AGO3: variants seen among roughly 807,000 people sequenced by gnomAD.
AGO3 encodes argonaute RISC catalytic component 3.
AGO3 carries 16 observed loss-of-function variants against 105.5 expected under a neutral mutation model. The observed-to-expected ratio is 0.15, with a 90% CI of 0.10 to 0.23. The LOEUF is 0.23. Ranked by LOEUF, AGO3 falls within the 10% of genes least tolerant of loss-of-function variation. The pLI is 1.00. For synonymous variants in AGO3, 340 were observed against 367.3 expected (o/e 0.93, Z 0.85); for missense variants, 534 against 1,088.0 (o/e 0.49, Z 7.16).
At chr1:36,011,218 C>T (rs1439220773) in intron 9 of AGO3, among the ~76,000 whole-genome samples, 2 of 152,138 alleles carry the variant, frequency 1.3e-5, no homozygotes, top group Non-Finnish European at 2.9e-5. Flanking sequence ...CTTAATAATA[C>T]TTCCAAAAGC....
intron 3 of AGO3, among the ~76,000 whole-genome samples, chr1:35,971,202 C>G (rs1036244259): frequency 7.0e-6 from 1 of 142,526 alleles, no homozygotes; most frequent in African/African-American, 2.7e-5. Context: ...CTCTGTTGCC[C>G]ACGCTGGAGC....
At chr1:35,977,207 C>T (rs749522832) in intron 5 of AGO3, among the ~76,000 whole-genome samples, 45 of 143,866 alleles carry the variant, frequency 3.1e-4, no homozygotes, top group Non-Finnish European at 5.8e-4. Context: ...ATCAAAAGCT[C>T]GTGTAACCCA....
At chr1:36,051,478 A>G (rs1642712756) in intron 17 of AGO3, among the ~76,000 whole-genome samples, 1 of 152,102 alleles carries the variant, frequency 6.6e-6, no homozygotes, top group Admixed American at 6.6e-5. Flanking sequence ...CCAGCTTCTC[A>G]GGAGGCTGAG....
intron 2 of AGO3, among the ~76,000 whole-genome samples, chr1:35,947,147 A>G (rs1009585585): frequency 6.6e-6 from 1 of 152,182 alleles, no homozygotes; most frequent in Non-Finnish European, 1.5e-5. Flanking sequence ...GATAGCAGTA[A>G]CAAAAGCATA....
intron 5 of AGO3, among the ~76,000 whole-genome samples, chr1:35,974,091 A>T (rs1222389674): frequency 6.6e-6 from 1 of 152,148 alleles, no homozygotes. Flanking sequence ...TCCAGACAGC[A>T]TGTTATTTTA....
chr1:36,071,256 T>C lies in AGO3; in HGVS notation c.*15511T>C, dbSNP rs1449073418. The stretch of plus-strand genomic sequence containing the variant: ...CTAAGTAATGGAGGAAGAAATAGCA[T>C]TCTTTTAAAAGGGGCTTTTCTGAAG... On this transcript the variant is annotated 3_prime_UTR_variant, in exon 19 of 19. Coordinates refer to ENST00000373191, the MANE Select transcript of AGO3 (RefSeq NM_024852.4). The C allele has an allele frequency of 6.6e-6, 1 of 152,166 alleles. No individual in the cohort carries two copies. The highest frequency in any genetic ancestry group is 1.5e-5 in the Non-Finnish European group (1 of 68,024). 9.4% of individuals were successfully genotyped at this position (152,166 alleles called of 1,614,324 possible). A position where few individuals can be genotyped will look rare whatever the true frequency, so the allele number is the denominator to read the frequency against.
chr1:36,041,596 A>G (rs953277716), intron 16 of AGO3, among the ~76,000 whole-genome samples: 1 of 152,130 alleles, frequency 6.6e-6, no homozygotes, highest in Non-Finnish European at 1.5e-5. Context: ...TGTCATTTTC[A>G]GTGCTCTGAT....
chr1:36,027,009 A>G lies in AGO3; in HGVS notation c.1407-105A>G. ...GTGACCTCTCATATATGAAGCACACAAATCTTTGCTTCATCCTTCCATTCC... is the reference window on the plus strand; with the variant it reads ...GTGACCTCTCATATATGAAGCACACGAATCTTTGCTTCATCCTTCCATTCC... On this transcript the variant is annotated intron_variant, in intron 11 of 18. Coordinates refer to ENST00000373191, the MANE Select transcript of AGO3 (RefSeq NM_024852.4). This position sits in a 1 kb window ranked among gnomAD's most constrained non-coding sequence, Gnocchi z 4.0. 2.3e-6 allele frequency: 3 copies of G among 1,331,842 alleles called. No individual in the cohort carries two copies. The highest frequency in any genetic ancestry group is 2.3e-5 in the East Asian group (1 of 43,234). The allele number at this position is 1,331,842 out of a possible 1,614,324, so 82.5% of individuals were successfully genotyped here. A position where few individuals can be genotyped will look rare whatever the true frequency, so the allele number is the denominator to read the frequency against.
rs138798508 is a variant in AGO3 at position 35,948,869 on chromosome 1, T to G, written c.191+3006T>G. On this transcript the variant is annotated intron_variant, in intron 2 of 18. Transcript: ENST00000373191. The stretch of plus-strand genomic sequence containing the variant: ...ATTTAAATGTTTCCAAGTGGAAAGT[T>G]TTTAAATTTTTGTGATGTAAAATTT... 5.9e-5 allele frequency among the ~76,000 whole-genome samples: 9 copies of G among 152,176 alleles called. No homozygotes were observed. The East Asian group carries it at 1.5e-3, about 26-fold the overall frequency.
chr1:35,987,306 C>A (rs536766772), intron 5 of AGO3, among the ~76,000 whole-genome samples: 1 of 149,100 alleles, frequency 6.7e-6, no homozygotes, highest in Non-Finnish European at 1.5e-5. Flanking sequence ...CCAGCCTGGG[C>A]GACAGAACAA....
intron 5 of AGO3, among the ~76,000 whole-genome samples, chr1:35,996,271 T>C (rs926841253): frequency 1.3e-5 from 2 of 151,208 alleles, no homozygotes; most frequent in African/African-American, 4.9e-5. Context: ...GTTGCAGTAA[T>C]TATTATCACC....
intron 11 of AGO3, among the ~76,000 whole-genome samples, chr1:36,023,604 C>T (rs1265405275): frequency 1.3e-5 from 2 of 152,198 alleles, no homozygotes; most frequent in East Asian, 3.8e-4. Context: ...ATGGTTTCAA[C>T]AGTTGGCTGC....
chr1:36,026,964 C>T (rs917508205), intron 11 of AGO3, 150 bp from the exon 12 acceptor site: 17 of 834,616 alleles, frequency 2.0e-5, no homozygotes, highest in East Asian at 7.4e-5. Context: ...CAGACCATTA[C>T]GCTTAACATC....
In AGO3 at chr1:36,039,816, A is replaced by T; in HGVS notation, c.1869A>T (p.Pro623=). 6.2e-7 allele frequency: 1 copy of T among 1,607,588 alleles called. No homozygotes were observed. The highest frequency in any genetic ancestry group is 1.1e-5 in the South Asian group (1 of 90,050). Reference sequence around the variant, plus strand: ...TTGTAGGTAGTATGGATGCACACCCAAGCAGATACTGTGCCACAGTAAGAG... The same window carrying T: ...TTGTAGGTAGTATGGATGCACACCCTAGCAGATACTGTGCCACAGTAAGAG... The part of the protein sequence containing the change: ...AAVVGSMDAH[P]SRYCATVRVQ... The change falls in exon 15 of 19, where the codon CCA becomes CCT. Residue 623 remains proline, a synonymous_variant. Coordinates refer to ENST00000373191, the MANE Select transcript of AGO3 (RefSeq NM_024852.4).
chr1:36,043,601 G>C (rs549644141), intron 17 of AGO3, 53 bp downstream of exon 17: 5 of 1,392,320 alleles, frequency 3.6e-6, no homozygotes, highest in African/African-American at 1.5e-5. Flanking sequence ...TCATTCTTAC[G>C]TGTATTTTTT....
chr1:36,039,645 C>T, intron 14 of AGO3, 145 bp from the exon 15 acceptor site: 1 of 562,082 alleles, frequency 1.8e-6, no homozygotes, highest in African/African-American at 1.9e-5. Context: ...TCATACCCAA[C>T]TCAGAATTAC....
rs1038529407 is a variant in AGO3 at position 36,002,472 on chromosome 1, G to A, written c.659-1869G>A. Among the ~76,000 whole-genome samples the A allele has an allele frequency of 2.6e-5, 4 of 151,040 alleles. No individual in the cohort carries two copies. The East Asian group carries it at 5.9e-4, about 22-fold the overall frequency. ...AGCCTCCTGAGTAGCTGGGATTACAGGCACATGCCACCACGCCTGGCTAAT... is the reference window on the plus strand; with the variant it reads ...AGCCTCCTGAGTAGCTGGGATTACAAGCACATGCCACCACGCCTGGCTAAT... On this transcript the variant is annotated intron_variant, in intron 5 of 18. Transcript: ENST00000373191.
At chr1:35,977,833 C>T (rs1474174667) in intron 5 of AGO3, among the ~76,000 whole-genome samples, 1 of 151,638 alleles carries the variant, frequency 6.6e-6, no homozygotes, top group Non-Finnish European at 1.5e-5. Context: ...CTTTTTCAAG[C>T]TTTCAACAAT....
intron 11 of AGO3, among the ~76,000 whole-genome samples, chr1:36,016,195 G>T (rs1158700251): frequency 1.3e-5 from 2 of 151,996 alleles, no homozygotes; most frequent in Non-Finnish European, 2.9e-5. Flanking sequence ...TTTTGTTTTT[G>T]TTTTGAGACA....
Sources: allele counts gnomAD v4.1 joint callset (sites outside exome capture counted in the v4.1 genomes callset), GRCh38; gene constraint gnomAD v4.1.1; non-coding constraint Gnocchi (gnomAD v3.1); transcripts MANE v1.5; gene names NCBI Gene and HGNC (gene_info 2026-07-23, HGNC 2026-07-21).